Variants in GRIK2 observed in about 807,000 individuals in gnomAD.
The protein encoded by GRIK2 is glutamate receptor ionotropic, kainate 2.
A neutral mutation model predicts 100.3 loss-of-function variants in GRIK2; 32 were observed. The ratio of observed to expected loss-of-function variants is 0.32; its 90% CI spans 0.24 to 0.43. The LOEUF (loss-of-function observed/expected upper bound fraction) is 0.43. GRIK2 is among the 20% of genes least tolerant of loss of function. The probability of loss-of-function intolerance (pLI) is 1.00; values close to 1 mark genes in which losing one functional copy is unlikely to be tolerated. For missense variants in GRIK2, 843 were observed against 1,114.9 expected (o/e 0.76, Z 3.47); for synonymous variants, 417 against 389.4 (o/e 1.07, Z -0.83).
At chr6:101,458,902 A>G (rs1771148374) in intron 2 of GRIK2, among the ~76,000 whole-genome samples, 1 of 152,238 alleles carries the variant, frequency 6.6e-6, no homozygotes, top group South Asian at 2.1e-4. Flanking sequence ...TAATTTAAAA[A>G]GTAAAAGTGT....
At chr6:102,019,923 A>C (rs1362635105) in intron 14 of GRIK2, among the ~76,000 whole-genome samples, 1 of 151,972 alleles carries the variant, frequency 6.6e-6, no homozygotes, top group Non-Finnish European at 1.5e-5. Context: ...GCATCAATTG[A>C]AATGTCAAAT....
chr6:101,425,523 T>G (rs1030826668), intron 2 of GRIK2, among the ~76,000 whole-genome samples: 1 of 152,130 alleles, frequency 6.6e-6, no homozygotes, highest in Non-Finnish European at 1.5e-5. Context: ...CCATTTCGTG[T>G]TTTTCCAAAA....
intron 11 of GRIK2, among the ~76,000 whole-genome samples, chr6:101,876,090 A>G (rs1785818703): frequency 6.6e-6 from 1 of 151,738 alleles, no homozygotes; most frequent in East Asian, 1.9e-4. Context: ...GAGTTCACAT[A>G]AAATCAGAAG....
intron 7 of GRIK2, among the ~76,000 whole-genome samples, chr6:101,692,665 T>C (rs1327263689): frequency 1.3e-5 from 2 of 152,078 alleles, no homozygotes; most frequent in African/African-American, 4.8e-5. Context: ...TCATTTATGA[T>C]AGCAAGAGAC....
chr6:101,635,710 C>G (rs1780971996), intron 4 of GRIK2, among the ~76,000 whole-genome samples: 1 of 152,042 alleles, frequency 6.6e-6, no homozygotes, highest in Non-Finnish European at 1.5e-5. Context: ...AGACATTTCT[C>G]AAAAGAAGAC....
At chr6:101,978,792 A>G (rs888972650) in intron 14 of GRIK2, among the ~76,000 whole-genome samples, 1 of 152,024 alleles carries the variant, frequency 6.6e-6, no homozygotes, top group Non-Finnish European at 1.5e-5. Context: ...TCAGTTTTCT[A>G]TTCAATAGAA....
At chr6:101,831,085 A>G (rs1782650512) in intron 10 of GRIK2, among the ~76,000 whole-genome samples, 1 of 152,150 alleles carries the variant, frequency 6.6e-6, no homozygotes, top group African/African-American at 2.4e-5. Context: ...TCCATGTAAC[A>G]AACCTGCACA....
intron 10 of GRIK2, among the ~76,000 whole-genome samples, chr6:101,831,198 A>AT (rs1582327179): frequency 6.6e-6 from 1 of 152,228 alleles, no homozygotes; most frequent in East Asian, 1.9e-4. Flanking sequence ...TTTGAAAGTG[A>AT]TTTTTTAATA....
At chr6:102,011,497 C>T (rs1465681478) in intron 14 of GRIK2, among the ~76,000 whole-genome samples, 2 of 150,000 alleles carry the variant, frequency 1.3e-5, no homozygotes, top group East Asian at 2.0e-4. Context: ...ATTCTCTTGA[C>T]ATTGTCTTTT....
At chr6:101,737,743 G>A (rs186429488) in intron 7 of GRIK2, among the ~76,000 whole-genome samples, 42 of 152,194 alleles carry the variant, frequency 2.8e-4, no homozygotes, top group African/African-American at 5.3e-4. Flanking sequence ...TTTAATGAGC[G>A]TTTCAACTTT....
rs77640587 is a variant in GRIK2, at chr6:101,582,940, G to A, written c.116-39009G>A. ...GTGGGCAGAGTCCTGTGAATAGCCT[G>A]TTGTGGAAAGCCCTGTTCTCTCAAA... is the stretch of plus-strand genomic sequence containing the variant. On this transcript the variant is annotated intron_variant, in intron 2 of 16. Transcript: ENST00000369134. 7.2e-3 allele frequency among the ~76,000 whole-genome samples: 1,092 copies of A among 152,204 alleles called. 16 individuals carry two copies. Among genetic ancestry groups the A allele is most frequent in the African/African-American group, 0.025 (1,040 of 41,554 alleles).
intron 7 of GRIK2, among the ~76,000 whole-genome samples, chr6:101,789,447 A>G (rs190305198): frequency 0.026 from 3,888 of 152,208 alleles, 170 homozygotes; most frequent in African/African-American, 0.088. Context: ...TCCCAGCACC[A>G]TTTATTAAAT....
chr6:101,739,592 G>T (rs1775895330), intron 7 of GRIK2, among the ~76,000 whole-genome samples: 1 of 152,102 alleles, frequency 6.6e-6, no homozygotes, highest in Admixed American at 6.6e-5. Flanking sequence ...TTTTAATGAA[G>T]AAATGATATA....
At chr6:101,442,178 G>C (rs1467727117) in intron 2 of GRIK2, among the ~76,000 whole-genome samples, 2 of 152,134 alleles carry the variant, frequency 1.3e-5, no homozygotes, top group Non-Finnish European at 2.9e-5. Flanking sequence ...CCTTAGTTCA[G>C]CCAAAAACCA....
At chr6:101,602,439 T>G (rs1779262794) in intron 2 of GRIK2, among the ~76,000 whole-genome samples, 1 of 151,414 alleles carries the variant, frequency 6.6e-6, no homozygotes, top group South Asian at 2.1e-4. Context: ...ACAATTCTTC[T>G]TTTTCTAATA....
chr6:101,405,191 T>C (rs1775530407), intron 2 of GRIK2, among the ~76,000 whole-genome samples: 1 of 152,200 alleles, frequency 6.6e-6, no homozygotes, highest in Non-Finnish European at 1.5e-5. Context: ...TGGTTGAAGA[T>C]TGGGGAATTA....
intron 14 of GRIK2, among the ~76,000 whole-genome samples, chr6:102,013,636 C>T (rs1316778106): frequency 6.6e-6 from 1 of 152,020 alleles, no homozygotes; most frequent in Non-Finnish European, 1.5e-5. Flanking sequence ...GAGTTTTTAA[C>T]ATGAAAAGAT....
chr6:101,974,083 AAT>A (rs2128486798), intron 14 of GRIK2, among the ~76,000 whole-genome samples: 1 of 152,120 alleles, frequency 6.6e-6, no homozygotes, highest in East Asian at 1.9e-4. Context: ...TATTTTTAAT[AAT>A]AGAGTCTCTA....
At chr6:101,790,954 G>A (rs932400346) in intron 7 of GRIK2, among the ~76,000 whole-genome samples, 11 of 151,380 alleles carry the variant, frequency 7.3e-5, no homozygotes, top group African/African-American at 2.7e-4. Context: ...ATATGTCGAG[G>A]AATTTATCCA....
Sources: gnomAD v4.1 joint callset for allele counts (sites outside exome capture counted in the v4.1 genomes callset) on GRCh38, gnomAD v4.1.1 for gene constraint, MANE v1.5 for transcripts, NCBI Gene and HGNC (gene_info 2026-07-23, HGNC 2026-07-21) for gene names.